The following ANO3 variants were observed in gnomAD, a reference collection of about 807,000 sequenced individuals.
ANO3 encodes anoctamin-3.
In ANO3, 99 loss-of-function variants were observed where a neutral mutation model predicts 144.8. The observed-to-expected ratio is 0.68, with a 90% confidence interval of 0.58 to 0.81. The LOEUF is 0.81. ANO3 is among the 30% of genes least tolerant of loss of function. The pLI is 0.00. For synonymous variants in ANO3, 414 were observed against 392.6 expected (o/e 1.05, Z -0.64); for missense variants, 905 against 1,202.2 (o/e 0.75, Z 3.66).
At chr11:26,307,760 C>T (rs944644000), upstream of ANO3, among the ~76,000 whole-genome samples, 346 of 110,728 alleles carry the variant, frequency 3.1e-3, no homozygotes, top group Non-Finnish European at 5.3e-3. Context: ...ATAATAATAA[C>T]AATTTAATGA....
intron 14 of ANO3, among the ~76,000 whole-genome samples, chr11:26,594,692 G>A (rs908544580): frequency 2.0e-5 from 3 of 152,050 alleles, no homozygotes; most frequent in Non-Finnish European, 2.9e-5. Context: ...ATTAGTTGGG[G>A]AAGGAGCTGG....
At chr11:26,315,338 G>A (rs1854597541) in intron 1 of ANO3, among the ~76,000 whole-genome samples, 1 of 152,042 alleles carries the variant, frequency 6.6e-6, no homozygotes, top group Admixed American at 6.6e-5. Context: ...TCTCCATCTT[G>A]TTTCTGGCAG....
chr11:26,253,743 G>A (rs1047115187), intron 1 of ANO3, among the ~76,000 whole-genome samples: 11 of 152,024 alleles, frequency 7.2e-5, no homozygotes, highest in African/African-American at 2.7e-4. Flanking sequence ...GGTAAAGCTG[G>A]GATCTGAGGC....
chr11:26,193,970 A>C (rs1181084581), intron 1 of ANO3, among the ~76,000 whole-genome samples: 1 of 152,078 alleles, frequency 6.6e-6, no homozygotes, highest in Non-Finnish European at 1.5e-5. Context: ...TAAATGAATC[A>C]CTCTGTGTTT....
chr11:26,623,850 G>A (rs912288515), intron 17 of ANO3, among the ~76,000 whole-genome samples: 1 of 151,736 alleles, frequency 6.6e-6, no homozygotes, highest in Non-Finnish European at 1.5e-5. Context: ...GCAGTGGCAC[G>A]ATCTCTGCTC....
rs1484693455 is a variant in ANO3 at position 26,598,461 on chromosome 11, A to T, written c.1530+14A>T. 2 of 1,539,682 alleles carry T rather than the reference A, an allele frequency of 1.3e-6. No individual in the cohort carries two copies. The highest frequency in any genetic ancestry group is 3.8e-5 in the Admixed American group (2 of 52,670). ...GAAGAAGAGGAGGTAAGATGTTAGG[A>T]TACAAGGAAATAGGGAAACTGGGCT... On this transcript the variant is annotated intron_variant, in intron 15 of 26. Coordinates refer to ENST00000256737, the MANE Select transcript of ANO3 (RefSeq NM_031418.4).
Position 26,284,204 on chromosome 11 carries a change from T to C in ANO3, c.155-25441T>C, listed in dbSNP as rs528389005. ...TCTACTGCATGCACCATGAAGCTAA[T>C]GAAAACAAGAGAAGGAAGCAGAGGG... On this transcript the variant is annotated intron_variant, in intron 1 of 27. Coordinates refer to the ANO3 transcript ENST00000672621. 2.6e-5 allele frequency among the ~76,000 whole-genome samples: 4 copies of C among 152,236 alleles called. No individual in the cohort carries two copies. In the East Asian group the frequency reaches 7.7e-4, roughly 29 times the overall value.
At chr11:26,584,252 G>A (rs1317629144) in intron 14 of ANO3, among the ~76,000 whole-genome samples, 4 of 152,034 alleles carry the variant, frequency 2.6e-5, no homozygotes, top group African/African-American at 9.7e-5. Context: ...TCCGCCTCCT[G>A]TGTTCAAGCA....
intron 11 of ANO3, among the ~76,000 whole-genome samples, chr11:26,545,950 A>G (rs564083870): frequency 1.3e-5 from 2 of 152,066 alleles, no homozygotes; most frequent in Admixed American, 6.6e-5. Flanking sequence ...TTAGGTGACT[A>G]TACTTCGCCA....
chr11:26,429,209 A>T (rs1223514571), intron 1 of ANO3, among the ~76,000 whole-genome samples: 1 of 152,194 alleles, frequency 6.6e-6, no homozygotes, highest in Non-Finnish European at 1.5e-5. Context: ...ACTGGCTGCC[A>T]TGCACTGTGG....
rs201674933 is a variant in ANO3, at chr11:26,315,690, T to C, written c.-3+5971T>C. On this transcript the variant is annotated intron_variant, in intron 1 of 26. Coordinates refer to the ANO3 transcript ENST00000525139. ...CTATCTATCTATCTATCTATCCATC[T>C]ATCTATCTATCTATCTATCTACCTA... Among the ~76,000 whole-genome samples, 430 of 128,208 alleles carry C rather than the reference T, an allele frequency of 3.4e-3. 2 individuals are homozygous for C. The highest frequency in any genetic ancestry group is 6.0e-3 in the African/African-American group (228 of 38,142). 84.1% of individuals were successfully genotyped at this position (128,208 alleles called of 152,430 possible).
chr11:26,361,656 T>G (rs1397957059), intron 1 of ANO3, among the ~76,000 whole-genome samples: 1 of 152,182 alleles, frequency 6.6e-6, no homozygotes, highest in Non-Finnish European at 1.5e-5. Flanking sequence ...GAAGCTAATA[T>G]TTTTGAAAAT....
chr11:26,511,069 G>C (rs1230748889), intron 5 of ANO3, among the ~76,000 whole-genome samples: 1 of 152,114 alleles, frequency 6.6e-6, no homozygotes, highest in East Asian at 1.9e-4. Flanking sequence ...GTTTCCTACT[G>C]TTAAATAAAT....
intron 17 of ANO3, among the ~76,000 whole-genome samples, chr11:26,606,893 G>T (rs1851951874): frequency 6.6e-6 from 1 of 152,112 alleles, no homozygotes. Context: ...GTGTGTTTTT[G>T]CAGTGGCTAG....
intron 5 of ANO3, among the ~76,000 whole-genome samples, chr11:26,509,698 T>C (rs1861581717): frequency 6.6e-6 from 1 of 152,178 alleles, no homozygotes; most frequent in African/African-American, 2.4e-5. Context: ...AATATCTAGA[T>C]AATTTGCTAA....
At chr11:26,431,646 G>A (rs1291115533) in intron 1 of ANO3, among the ~76,000 whole-genome samples, 1 of 152,144 alleles carries the variant, frequency 6.6e-6, no homozygotes, top group African/African-American at 2.4e-5. Context: ...GAGGACAAGT[G>A]ATGTTTGGTT....
chr11:26,415,064 G>GTGTA (rs10631397), intron 1 of ANO3, among the ~76,000 whole-genome samples: 1 of 146,380 alleles, frequency 6.8e-6, no homozygotes, highest in Non-Finnish European at 1.5e-5. Flanking sequence ...GTATGTGTGT[G>GTGTA]TGTGTGTGTG....
intron 3 of ANO3, among the ~76,000 whole-genome samples, chr11:26,444,319 C>A (rs1263948890): frequency 1.3e-5 from 2 of 152,186 alleles, no homozygotes; most frequent in African/African-American, 2.4e-5. Context: ...GCATTCAAAT[C>A]TGTAGCTTGC....
intron 1 of ANO3, among the ~76,000 whole-genome samples, chr11:26,194,439 G>GGTGTGTGTGTGTGTGTATGTGT (rs1472402266): frequency 3.0e-4 from 18 of 60,612 alleles, no homozygotes; most frequent in African/African-American, 8.1e-4. Flanking sequence ...GGTACATAGT[G>GGTGTGTGTGTGTGTGTATGTGT]GTGTGTGTGT....
Sources: allele counts gnomAD v4.1 joint callset (sites outside exome capture counted in the v4.1 genomes callset), GRCh38; gene constraint gnomAD v4.1.1; transcripts MANE v1.5; gene names NCBI Gene and HGNC (gene_info 2026-07-23, HGNC 2026-07-21).